The following PCSK7 variants were observed in gnomAD, a reference collection of about 807,000 sequenced individuals.
PCSK7 encodes the protein proprotein convertase subtilisin/kexin type 7.
Under a neutral mutation model 73.3 loss-of-function variants are expected in PCSK7, and 38 were observed. That is an observed-to-expected ratio of 0.52 (90% CI 0.40 to 0.68). The LOEUF (loss-of-function observed/expected upper bound fraction) is 0.68. Ranked by LOEUF, PCSK7 falls within the 30% of genes least tolerant of loss-of-function variation. The probability of loss-of-function intolerance (pLI) is 0.00; values close to 1 mark genes in which losing one functional copy is unlikely to be tolerated. For missense variants in PCSK7, 692 were observed against 991.5 expected (o/e 0.70, Z 4.06); for synonymous variants, 296 against 383.8 (o/e 0.77, Z 2.68).
chr11:117,220,893 G>C (rs236918), intron 9 of PCSK7: 23,390 of 152,376 alleles, frequency 0.15, 2,366 homozygotes, highest in East Asian at 0.48. Flanking sequence ...CACTGCTCTG[G>C]GCCAGATGCC....
Position 117,227,072 on chromosome 11 carries a change from T to C in PCSK7, c.769+85A>G, listed in dbSNP as rs575825252. 2.6e-5 allele frequency: 28 copies of C among 1,090,064 alleles called. No individual in the cohort carries two copies. The East Asian group carries it at 5.2e-4, about 20-fold the overall frequency. 67.5% of individuals were successfully genotyped at this position (1,090,064 alleles called of 1,614,324 possible). On this transcript the variant is annotated intron_variant, in intron 5 of 16. Transcript: ENST00000320934. Reference sequence around the variant, plus strand: ...TGTCAGCTGGGCTATGGGATAAAGATGTTTCAGAGTAGGGAGGGGTGCAGG... The same window carrying C: ...TGTCAGCTGGGCTATGGGATAAAGACGTTTCAGAGTAGGGAGGGGTGCAGG...
chr11:117,223,257 G>A lies in PCSK7; in HGVS notation c.1106C>T (p.Ser369Phe), dbSNP rs1481819666. 2 of 1,613,854 alleles carry A rather than the reference G, an allele frequency of 1.2e-6. No homozygotes were observed. Among genetic ancestry groups the A allele is most frequent in the South Asian group, 1.1e-5 (1 of 91,070 alleles). ...RMPFYAEECA[S>F]MLAVTFSGGD... ...ACCACTGAAGGTGACTGCCAGCATG[G>A]AGGCACATTCTTCTGCATAGAAAGG... The change falls in exon 9 of 17, where the codon TCC (serine) becomes TTC (phenylalanine). Residue 369 changes from serine (S) to phenylalanine (F), a missense_variant. Transcript: ENST00000320934.
chr11:117,215,378 G>GTGTGTGTGTGTGTGTGTGTA (rs1565307913), intron 12 of PCSK7: 3 of 62,540 alleles, frequency 4.8e-5, no homozygotes, highest in East Asian at 1.6e-3. Flanking sequence ...GTGTGTGTGT[G>GTGTGTGTGTGTGTGTGTGTA]TGTATATATA....
In PCSK7 at chr11:117,204,625, C is replaced by A. The variant is rs1238218477; in HGVS notation, c.*1372G>T. The A allele has an allele frequency of 1.8e-6, 1 of 557,654 alleles. No homozygotes were observed. The highest frequency in any genetic ancestry group is 3.3e-6 in the Non-Finnish European group (1 of 301,646). 34.5% of individuals were successfully genotyped at this position (557,654 alleles called of 1,614,324 possible). On this transcript the variant is annotated 3_prime_UTR_variant, in exon 17 of 17. Transcript: ENST00000320934. The stretch of plus-strand genomic sequence containing the variant: ...TCTACTGTCTCCTCCCTGGGCTAAG[C>A]AGGGGAGAAGCGGGCTGGGGGTAGC...
rs1467163600 is a variant in PCSK7, at chr11:117,205,607, AGTGAT to A, written c.*385_*389del. ...CGAAGTCCTCTTCCCAAGTGACCCC[AGTGAT>A]GTTTCCATTGAGATGCGCTCCTGGC... On this transcript the variant is annotated 3_prime_UTR_variant, in exon 17 of 17. Transcript: ENST00000320934. 1 of 244,202 alleles carries A rather than the reference AGTGAT, an allele frequency of 4.1e-6. No individual in the cohort carries two copies. The highest frequency in any genetic ancestry group is 5.5e-5 in the Admixed American group (1 of 18,132). 15.1% of individuals were successfully genotyped at this position (244,202 alleles called of 1,614,324 possible).
intron 1 of PCSK7, chr11:117,231,675 A>G (rs1350738155): frequency 6.6e-6 from 1 of 152,244 alleles, no homozygotes; most frequent in Non-Finnish European, 1.5e-5. Flanking sequence ...CTCCCTTTAC[A>G]GCTCTTAATT....
At chr11:117,221,266 A>G (rs2032179527) in intron 9 of PCSK7, 1 of 152,236 alleles carries the variant, frequency 6.6e-6, no homozygotes, top group African/African-American at 2.4e-5. Flanking sequence ...CACTCCCAGA[A>G]AAAAAAGGGA....
In PCSK7 at chr11:117,218,957, AT is replaced by A; in HGVS notation, c.1431+99del. On this transcript the variant is annotated intron_variant, in intron 11 of 16. Transcript: ENST00000320934. This position sits in a 1 kb window ranked among gnomAD's most constrained non-coding sequence, Gnocchi z 4.0. ...TGTTAAATCAATGAACTGAATGAAC[AT>A]TTACTAGGCACCTATGATATCCCAG... 1 of 677,204 alleles carries A rather than the reference AT, an allele frequency of 1.5e-6. No individual in the cohort carries two copies. The highest frequency in any genetic ancestry group is 1.8e-5 in the African/African-American group (1 of 55,816). The allele number at this position is 677,204 out of a possible 1,614,324, so 41.9% of individuals were successfully genotyped here.
At position 117,229,442 on chromosome 11, in the gene PCSK7, G is replaced by A; in HGVS notation, c.403C>T (p.Leu135=). 1 of 1,610,694 alleles carries A rather than the reference G, an allele frequency of 6.2e-7. No individual in the cohort carries two copies. Among genetic ancestry groups the A allele is most frequent in the Non-Finnish European group, 8.5e-7 (1 of 1,180,028 alleles). The change falls in exon 3 of 17, where the codon CTG becomes TTG. Residue 135 remains leucine (L), a synonymous_variant. Coordinates refer to ENST00000320934, the MANE Select transcript of PCSK7 (RefSeq NM_004716.4). ...ACGCTGCGCTTGGCCCGCCTTAGCA[G>A]CCTCTGCTCTGAGTGCCAGCGCACA... ...EAVRWHSEQR[L]LRRAKRSVHF...
intron 3 of PCSK7, 131 bp from the exon 4 acceptor site, chr11:117,228,481 AG>A (rs1388935737): frequency 1.4e-6 from 1 of 721,354 alleles, no homozygotes; most frequent in Non-Finnish European, 2.4e-6. Flanking sequence ...CCAATAGGTC[AG>A]GTGGGAACAG....
intron 6 of PCSK7, 126 bp downstream of exon 6, chr11:117,225,805 T>A: frequency 1.5e-6 from 1 of 670,906 alleles, no homozygotes. Context: ...GGCAATGGAC[T>A]TATTAGCTGA....
intron 5 of PCSK7, 115 bp downstream of exon 5, chr11:117,227,042 A>C: frequency 1.3e-6 from 1 of 786,510 alleles, no homozygotes; most frequent in Non-Finnish European, 2.0e-6. Context: ...GCTCTATGCT[A>C]TGTGTGTCAG....
intron 12 of PCSK7, chr11:117,213,433 T>C (rs941648486): frequency 5.3e-5 from 8 of 152,156 alleles, no homozygotes; most frequent in African/African-American, 1.9e-4. Context: ...GGGAAAATCT[T>C]AGAAAGCAAG....
rs1591797192 is a variant in PCSK7 at position 117,218,595 on chromosome 11, A to G, written c.1432-27T>C. ...TATGAAAGGAAAGGAGGGGATGGCA[A>G]ATCAACAAACAAGAATGATCACACC... On this transcript the variant is annotated intron_variant, in intron 11 of 16. Transcript: ENST00000320934. The surrounding 1 kb of genome is among the most constrained non-coding windows in gnomAD (Gnocchi z 4.0). The G allele has an allele frequency of 5.4e-6, 7 of 1,293,810 alleles. No individual in the cohort carries two copies. The East Asian group carries it at 9.5e-5, about 17-fold the overall frequency. 80.1% of individuals were successfully genotyped at this position (1,293,810 alleles called of 1,614,324 possible). A position where few individuals can be genotyped will look rare whatever the true frequency, so the allele number is the denominator to read the frequency against.
At chr11:117,217,048 C>G (rs930927259) in intron 12 of PCSK7, 3 of 152,190 alleles carry the variant, frequency 2.0e-5, no homozygotes, top group African/African-American at 7.2e-5. Context: ...ATTAGCCAAA[C>G]TCCCTAAATC....
intron 12 of PCSK7, chr11:117,215,376 G>GTATA (rs1565307905): frequency 1.5e-5 from 1 of 66,532 alleles, no homozygotes; most frequent in African/African-American, 1.1e-4. Flanking sequence ...GTGTGTGTGT[G>GTATA]TGTGTATATA....
In PCSK7 at chr11:117,218,239, C is replaced by A; in HGVS notation, c.1534+227G>T. ...CCTCCTCCTCAGTTGCTCTGCTGCT[C>A]CTTTTCACTACTAGGAACCCAGGAG... On this transcript the variant is annotated intron_variant, in intron 12 of 16. Transcript: ENST00000320934. This position sits in a 1 kb window ranked among gnomAD's most constrained non-coding sequence, Gnocchi z 4.0. The A allele has an allele frequency of 4.8e-6, 1 of 207,882 alleles. No individual in the cohort carries two copies. Among genetic ancestry groups the A allele is most frequent in the Non-Finnish European group, 9.8e-6 (1 of 102,468 alleles). The allele number at this position is 207,882 out of a possible 1,614,324, so 12.9% of individuals were successfully genotyped here. A position where few individuals can be genotyped will look rare whatever the true frequency, so the allele number is the denominator to read the frequency against.
chr11:117,213,104 T>C (rs2031805712), intron 12 of PCSK7: 1 of 152,222 alleles, frequency 6.6e-6, no homozygotes, highest in African/African-American at 2.4e-5. Flanking sequence ...GTTGTCCCTG[T>C]TGCAGTGCCT....
rs763029537 is a variant in PCSK7 at position 117,219,194 on chromosome 11, T to C, written c.1324-30A>G. The C allele has an allele frequency of 3.5e-5, 51 of 1,477,934 alleles. No individual in the cohort carries two copies. In the South Asian group the frequency reaches 5.3e-4, roughly 15 times the overall value. The allele number at this position is 1,477,934 out of a possible 1,614,324, so 91.6% of individuals were successfully genotyped here. A position where few individuals can be genotyped will look rare whatever the true frequency, so the allele number is the denominator to read the frequency against. On this transcript the variant is annotated intron_variant, in intron 10 of 16. Coordinates refer to ENST00000320934, the MANE Select transcript of PCSK7 (RefSeq NM_004716.4). ...AAGGACAGAGGTCCTGGTTAGTCTC[T>C]TGCATTGCCAGTGTAGTCTCAACAA... is the stretch of plus-strand genomic sequence containing the variant.
Sources: gnomAD v4.1 joint callset for allele counts on GRCh38, gnomAD v4.1.1 for gene constraint, Gnocchi (gnomAD v3.1) non-coding constraint, MANE v1.5 for transcripts, NCBI Gene and HGNC (gene_info 2026-07-23, HGNC 2026-07-21) for gene names.